Variants in CFAP157 observed in about 807,000 individuals in gnomAD.
CFAP157 encodes cilia- and flagella-associated protein 157.
A neutral mutation model predicts 57.8 loss-of-function variants in CFAP157; 43 were observed. That is an observed-to-expected ratio of 0.74 (90% CI 0.58 to 0.96). CFAP157 has a LOEUF of 0.96. Ranked by LOEUF, CFAP157 falls within the 40% of genes least tolerant of loss-of-function variation. The pLI is 0.00. For synonymous variants in CFAP157, 267 were observed against 269.0 expected (o/e 0.99, Z 0.07); for missense variants, 606 against 655.3 (o/e 0.92, Z 0.82).
At position 127,715,236 on chromosome 9, in the gene CFAP157, C is replaced by A. The variant is rs1365730872; in HGVS notation, c.*1331C>A. 1.3e-6 allele frequency: 2 copies of A among 1,516,176 alleles called. No individual in the cohort carries two copies. The highest frequency in any genetic ancestry group is 4.9e-5 in the East Asian group (2 of 40,678). The allele number at this position is 1,516,176 out of a possible 1,614,324, so 93.9% of individuals were successfully genotyped here. ...GGAAACTGAGGCCCAACAACTCTCG[C>A]CACCCCCGATCTCACAGCGTCCCGT... On this transcript the variant is annotated 3_prime_UTR_variant, in exon 9 of 9. Coordinates refer to ENST00000373295, the MANE Select transcript of CFAP157 (RefSeq NM_001012502.3). The surrounding 1 kb of genome is among the most constrained non-coding windows in gnomAD (Gnocchi z 5.8).
Position 127,712,314 on chromosome 9 carries a change from G to A in CFAP157, c.1102G>A (p.Val368Ile), listed in dbSNP as rs1328208438. 4 of 1,613,904 alleles carry A rather than the reference G, an allele frequency of 2.5e-6. No individual in the cohort carries two copies. In the South Asian group the frequency reaches 3.3e-5, roughly 13 times the overall value. ...KVRASLEAAL[V>I]QATSFLQNIL... ...TCGGGCCAGCCTGGAGGCGGCTCTG[G>A]TCCAGGCCACCTCCTTCCTACAGAA... Residue 368 changes from valine (V) to isoleucine (I), a missense_variant, in exon 6 of 9, where the codon GTC (valine) becomes ATC (isoleucine). Physicochemically the swap from Val to Ile is conservative, Grantham distance 29 (BLOSUM62 3). Transcript: ENST00000373295.
rs553457756 is a variant in CFAP157 at position 127,714,318 on chromosome 9, C to T, written c.*413C>T. The T allele has an allele frequency of 1.9e-5, 30 of 1,614,026 alleles. No homozygotes were observed. Among genetic ancestry groups the T allele is most frequent in the Middle Eastern group, 1.7e-4 (1 of 6,060 alleles). ...GCCAGAGAGGCCCAGGAAGCTTTGG[C>T]GAGGTGCTGGGGGACCCCTGGCCCA... On this transcript the variant is annotated 3_prime_UTR_variant, in exon 9 of 9. Coordinates refer to ENST00000373295, the MANE Select transcript of CFAP157 (RefSeq NM_001012502.3).
chr9:127,710,295 A>C lies in CFAP157; in HGVS notation c.434-306A>C, dbSNP rs76179382. ...AAGACCCTGTCTCAAAAAAAAAAAA[A>C]AAAACAAAACAGTTGTTGTCATTAC... is the stretch of plus-strand genomic sequence containing the variant. On this transcript the variant is annotated intron_variant, in intron 2 of 8. Transcript: ENST00000373295. 3.9e-4 allele frequency among the ~76,000 whole-genome samples: 60 copies of C among 152,090 alleles called. 1 individual carries two copies. Among genetic ancestry groups the C allele is most frequent in the Middle Eastern group, 3.4e-3 (1 of 294 alleles).
chr9:127,715,582 A>C lies in CFAP157; in HGVS notation c.*1677A>C. On this transcript the variant is annotated 3_prime_UTR_variant, in exon 9 of 9. Transcript: ENST00000373295. This position sits in a 1 kb window ranked among gnomAD's most constrained non-coding sequence, Gnocchi z 5.8. ...CCCGGGGGGCGAGGCTCCAAAACAC[A>C]TCGGCTCATGGCTCTACTCAGCCGC... 1.2e-6 allele frequency: 2 copies of C among 1,613,426 alleles called. No homozygotes were observed. The highest frequency in any genetic ancestry group is 1.7e-6 in the Non-Finnish European group (2 of 1,180,014).
In CFAP157 at chr9:127,715,969, CA is replaced by C; in HGVS notation, c.*2066del. On this transcript the variant is annotated 3_prime_UTR_variant, in exon 9 of 9. Coordinates refer to ENST00000373295, the MANE Select transcript of CFAP157 (RefSeq NM_001012502.3). The surrounding 1 kb of genome is among the most constrained non-coding windows in gnomAD (Gnocchi z 5.8). ...CAAGTCCTTTCCCCGCTGTAGGCCT[CA>C]ACCTCTCCAGCTAATAAAAGTTTTC... is the stretch of plus-strand genomic sequence containing the variant. 1 of 933,784 alleles carries C rather than the reference CA, an allele frequency of 1.1e-6. No individual in the cohort carries two copies. Among genetic ancestry groups the C allele is most frequent in the Non-Finnish European group, 1.6e-6 (1 of 608,986 alleles). 57.8% of individuals were successfully genotyped at this position (933,784 alleles called of 1,614,324 possible). A position where few individuals can be genotyped will look rare whatever the true frequency, so the allele number is the denominator to read the frequency against.
chr9:127,713,713 G>T, intron 8 of CFAP157, 121 bp from the exon 9 acceptor site: 1 of 745,044 alleles, frequency 1.3e-6, no homozygotes, highest in Admixed American at 2.0e-5. Context: ...CACCATGTTG[G>T]CCAGGCTGGT....
Position 127,715,046 on chromosome 9 carries a change from C to G in CFAP157, c.*1141C>G. 1 of 1,525,672 alleles carries G rather than the reference C, an allele frequency of 6.6e-7. No individual in the cohort carries two copies. The highest frequency in any genetic ancestry group is 8.8e-7 in the Non-Finnish European group (1 of 1,142,518). The allele number at this position is 1,525,672 out of a possible 1,614,324, so 94.5% of individuals were successfully genotyped here. A position where few individuals can be genotyped will look rare whatever the true frequency, so the allele number is the denominator to read the frequency against. On this transcript the variant is annotated 3_prime_UTR_variant, in exon 9 of 9. Transcript: ENST00000373295. The surrounding 1 kb of genome is among the most constrained non-coding windows in gnomAD (Gnocchi z 5.8). ...CCGGAGCAGGACCAGTTGGGCATCC[C>G]CCAGCGGGGCCAGGGCGAGGTCGGC...
At chr9:127,710,103 T>C (rs1842728952) in intron 2 of CFAP157, among the ~76,000 whole-genome samples, 1 of 151,938 alleles carries the variant, frequency 6.6e-6, no homozygotes, top group Non-Finnish European at 1.5e-5. Context: ...CGACACTCCA[T>C]CTCTACCAAA....
At chr9:127,708,016 A>G (rs1842685437) in intron 1 of CFAP157, among the ~76,000 whole-genome samples, 1 of 152,160 alleles carries the variant, frequency 6.6e-6, no homozygotes, top group Non-Finnish European at 1.5e-5. Flanking sequence ...CAGATGGGGA[A>G]GACTGAGGCT....
In CFAP157 at chr9:127,712,724, G is replaced by C; in HGVS notation, c.1153G>C (p.Glu385Gln). 1.9e-6 allele frequency: 3 copies of C among 1,614,190 alleles called. No homozygotes were observed. The highest frequency in any genetic ancestry group is 2.5e-6 in the Non-Finnish European group (3 of 1,180,014). ...TCACCAACAGATGCACCGCGATGAA[G>C]AGGACAGTGACGTTGACGTGACGTT... The part of the protein sequence containing the change: ...QNILQMHRDE[E>Q]DSDVDVTFQP... The change falls in exon 7 of 9, where the codon GAG becomes CAG. Residue 385 changes from glutamate to glutamine, a missense_variant. Physicochemically the swap from Glu to Gln is conservative, Grantham distance 29. Transcript: ENST00000373295.
rs915127055 is a variant in CFAP157 at position 127,715,797 on chromosome 9, A to C, written c.*1892A>C. 2 of 1,436,122 alleles carry C rather than the reference A, an allele frequency of 1.4e-6. No homozygotes were observed. Among genetic ancestry groups the C allele is most frequent in the Non-Finnish European group, 1.9e-6 (2 of 1,075,436 alleles). The allele number at this position is 1,436,122 out of a possible 1,614,324, so 89.0% of individuals were successfully genotyped here. On this transcript the variant is annotated 3_prime_UTR_variant, in exon 9 of 9. Transcript: ENST00000373295. This position sits in a 1 kb window ranked among gnomAD's most constrained non-coding sequence, Gnocchi z 5.8. ...GGCGGAAGCGGCGAGGCGGTGGCCG[A>C]GTCCGGGAACCCAGGCGCCTTCAGT... is the stretch of plus-strand genomic sequence containing the variant.
chr9:127,711,282 A>G lies in CFAP157; in HGVS notation c.641A>G (p.Lys214Arg). Reference protein sequence around the residue: ...RVNLVANEFHKVTTNRMWETT... With the variant: ...RVNLVANEFHRVTTNRMWETT... The stretch of plus-strand genomic sequence containing the variant: ...AACCTCGTGGCCAATGAGTTCCACA[A>G]GGTGACCACGAACCGGATGTGGGAG... Residue 214 changes from lysine (K) to arginine (R), a missense_variant, in exon 4 of 9, where the codon AAG (lysine) becomes AGG (arginine). Physicochemically the swap from Lys to Arg is conservative, Grantham distance 26. Coordinates refer to ENST00000373295, the MANE Select transcript of CFAP157 (RefSeq NM_001012502.3). The G allele has an allele frequency of 1.2e-6, 2 of 1,614,216 alleles. No homozygotes were observed. Among genetic ancestry groups the G allele is most frequent in the Non-Finnish European group, 1.7e-6 (2 of 1,180,030 alleles).
Position 127,711,859 on chromosome 9 carries a change from C to G in CFAP157, c.895C>G (p.Gln299Glu). 2 of 1,581,818 alleles carry G rather than the reference C, an allele frequency of 1.3e-6. No individual in the cohort carries two copies. The highest frequency in any genetic ancestry group is 8.6e-7 in the Non-Finnish European group (1 of 1,164,748). Residue 299 changes from glutamine (Q) to glutamate (E), a missense_variant, in exon 5 of 9, where the codon CAG becomes GAG. Gln to Glu is a conservative substitution (Grantham distance 29). Coordinates refer to ENST00000373295, the MANE Select transcript of CFAP157 (RefSeq NM_001012502.3). The part of the protein sequence containing the change: ...MLTKKCQEQQ[Q>E]DTKEAEELRL... ...GACTAAGAAGTGCCAGGAGCAGCAGCAGGACACCAAGGAGGCCGAGGAGCT... is the reference window on the plus strand; with the variant it reads ...GACTAAGAAGTGCCAGGAGCAGCAGGAGGACACCAAGGAGGCCGAGGAGCT...
Position 127,714,525 on chromosome 9 carries a change from A to G in CFAP157, c.*620A>G. On this transcript the variant is annotated 3_prime_UTR_variant, in exon 9 of 9. Coordinates refer to ENST00000373295, the MANE Select transcript of CFAP157 (RefSeq NM_001012502.3). ...TCAGAGCAGCCCATTTCCTGTGGAG[A>G]CTGGGTCAGCAGCCCTACTCCACCC... 6.3e-7 allele frequency: 1 copy of G among 1,591,742 alleles called. No individual in the cohort carries two copies. The highest frequency in any genetic ancestry group is 1.1e-5 in the South Asian group (1 of 90,584).
At position 127,714,727 on chromosome 9, in the gene CFAP157, T is replaced by C. The variant is rs754263154; in HGVS notation, c.*822T>C. On this transcript the variant is annotated 3_prime_UTR_variant, in exon 9 of 9. Coordinates refer to ENST00000373295, the MANE Select transcript of CFAP157 (RefSeq NM_001012502.3). ...GCTTAGCACAGGGAAACGGCAGCCC[T>C]GGTTACTGCCCATCTGCCCAGAGAG... 10 of 1,577,064 alleles carry C rather than the reference T, an allele frequency of 6.3e-6. No homozygotes were observed. In the Admixed American group the frequency reaches 1.7e-4, roughly 28 times the overall value.
rs1027058564 is a variant in CFAP157, at chr9:127,712,025, C to T, written c.986+75C>T. The T allele has an allele frequency of 1.1e-5, 17 of 1,538,658 alleles. No individual in the cohort carries two copies. In the African/African-American group the frequency reaches 1.5e-4, roughly 14 times the overall value. ...GCTCTGGCCCAGCTCTTTCCGATCCCACGACCCAGGCCAGTGACTTCCCCT... is the reference window on the plus strand; with the variant it reads ...GCTCTGGCCCAGCTCTTTCCGATCCTACGACCCAGGCCAGTGACTTCCCCT... On this transcript the variant is annotated intron_variant, in intron 5 of 8. Coordinates refer to ENST00000373295, the MANE Select transcript of CFAP157 (RefSeq NM_001012502.3).
chr9:127,710,904 C>A, intron 3 of CFAP157, 150 bp downstream of exon 3: 3 of 944,974 alleles, frequency 3.2e-6, no homozygotes, highest in Non-Finnish European at 4.7e-6. Flanking sequence ...GGAATCCCAG[C>A]TGGTGATTAT....
At position 127,712,937 on chromosome 9, in the gene CFAP157, G is replaced by A. The variant is rs73600061; in HGVS notation, c.1304+62G>A. ...ACAGAGAGCAGGGCAAAGGCATTCA[G>A]CCATGGGGACAGTGCTCGGCTCACC... On this transcript the variant is annotated intron_variant, in intron 7 of 8. Transcript: ENST00000373295. 569 of 1,589,878 alleles carry A rather than the reference G, an allele frequency of 3.6e-4. No homozygotes were observed. In the African/African-American group the frequency reaches 6.9e-3, roughly 19 times the overall value.
At position 127,712,209 on chromosome 9, in the gene CFAP157, G is replaced by A. The variant is rs772826051; in HGVS notation, c.997G>A (p.Asp333Asn). ...VDNQALKSQRDQLSLQLEQQQ... is the reference protein window; with the variant it reads ...VDNQALKSQRNQLSLQLEQQQ... ...CCAGTTGGGGTCCAGGAGCCAGAGA[G>A]ACCAGCTGAGCCTGCAGCTGGAGCA... The change falls in exon 6 of 9, where the codon GAC becomes AAC. Residue 333 changes from aspartate (D) to asparagine (N), a missense_variant. Physicochemically the swap from Asp to Asn is conservative, Grantham distance 23 (BLOSUM62 1). Transcript: ENST00000373295. 6.2e-7 allele frequency: 1 copy of A among 1,613,926 alleles called. No individual in the cohort carries two copies. Among genetic ancestry groups the A allele is most frequent in the East Asian group, 2.2e-5 (1 of 44,882 alleles).
Sources: gnomAD v4.1 joint callset for allele counts (sites outside exome capture counted in the v4.1 genomes callset) on GRCh38, gnomAD v4.1.1 for gene constraint, Gnocchi (gnomAD v3.1) non-coding constraint, MANE v1.5 for transcripts, NCBI Gene and HGNC (gene_info 2026-07-23, HGNC 2026-07-21) for gene names.